PCDH11Y: variants seen among roughly 807,000 people sequenced by gnomAD.
The protein encoded by PCDH11Y is protocadherin 11 Y-linked.
For missense variants in PCDH11Y, 12 were observed against 224.8 expected, an observed-to-expected ratio of 0.05 and a Z score of 6.05; for synonymous variants, 9 against 83.6, an observed-to-expected ratio of 0.11 and a Z score of 4.87.
At chrY:5,631,321 C>A in intron 4 of PCDH11Y, among the ~76,000 whole-genome samples, 2 of 26,340 alleles carry the variant, frequency 7.6e-5, no homozygotes. Flanking sequence ...ATATGAAGAC[C>A]ATACTGTCAT....
chrY:5,533,157 C>T, intron 3 of PCDH11Y, among the ~76,000 whole-genome samples: 1 of 33,160 alleles, frequency 3.0e-5, no homozygotes, highest in Non-Finnish European at 7.4e-5. Flanking sequence ...CTTTTGAATT[C>T]CTTGGATTTG....
At chrY:5,315,696 A>G in intron 2 of PCDH11Y, among the ~76,000 whole-genome samples, 2 of 33,670 alleles carry the variant, frequency 5.9e-5, no homozygotes, top group African/African-American at 2.3e-4. Context: ...TTGCTATCAT[A>G]TTAACATAAG....
intron 4 of PCDH11Y, among the ~76,000 whole-genome samples, chrY:5,636,343 T>C (rs373646866): frequency 0.033 from 1,113 of 33,452 alleles, no homozygotes; most frequent in Middle Eastern, 0.11. Flanking sequence ...ACCTTCCCTA[T>C]TCTACCCTAT....
intron 2 of PCDH11Y, among the ~76,000 whole-genome samples, chrY:5,275,652 G>C: frequency 3.0e-5 from 1 of 33,588 alleles, no homozygotes. Context: ...TTACAGGATT[G>C]ATAGATTGAG....
At chrY:5,595,128 T>TG (rs2053466168) in intron 4 of PCDH11Y, among the ~76,000 whole-genome samples, 2 of 22,262 alleles carry the variant, frequency 9.0e-5, no homozygotes, top group African/African-American at 3.7e-4. Flanking sequence ...AGTAGCCCCT[T>TG]GCAGTATTCC....
chrY:5,529,601 A>C, intron 3 of PCDH11Y, among the ~76,000 whole-genome samples: 1 of 32,147 alleles, frequency 3.1e-5, no homozygotes, highest in Admixed American at 2.9e-4. Flanking sequence ...AATATATTAC[A>C]CCTCCTACAT....
intron 2 of PCDH11Y, among the ~76,000 whole-genome samples, chrY:5,261,335 G>A: frequency 3.0e-5 from 1 of 33,291 alleles, no homozygotes; most frequent in Admixed American, 2.7e-4. Flanking sequence ...AAGAAGACAG[G>A]ACAATTTGAG....
chrY:5,244,491 C>T (rs2052993222), intron 2 of PCDH11Y, among the ~76,000 whole-genome samples: 2 of 33,352 alleles, frequency 6.0e-5, no homozygotes, highest in African/African-American at 2.3e-4. Flanking sequence ...GAAGGAAGAA[C>T]AGTGTGGTTT....
intron 2 of PCDH11Y, among the ~76,000 whole-genome samples, chrY:5,213,847 C>T (rs2052942221): frequency 3.1e-5 from 1 of 32,739 alleles, no homozygotes; most frequent in Non-Finnish European, 7.5e-5. Context: ...AGGCCAGGCT[C>T]GGTGGCTCAT....
chrY:5,370,340 G>T (rs2124673090), intron 2 of PCDH11Y, among the ~76,000 whole-genome samples: 1 of 32,365 alleles, frequency 3.1e-5, no homozygotes, highest in South Asian at 7.0e-4. Context: ...AGAGACTTAA[G>T]AAAGTAATAG....
At chrY:5,690,996 A>C (rs2124710766) in intron 4 of PCDH11Y, among the ~76,000 whole-genome samples, 1 of 33,264 alleles carries the variant, frequency 3.0e-5, no homozygotes, top group East Asian at 7.9e-4. Flanking sequence ...CCTACTTCCT[A>C]TGTTCTCAGC....
At chrY:5,418,875 C>T in intron 2 of PCDH11Y, among the ~76,000 whole-genome samples, 1 of 32,748 alleles carries the variant, frequency 3.1e-5, no homozygotes, top group Non-Finnish European at 7.5e-5. Flanking sequence ...GCTGGGGAAT[C>T]CTTAGGGAAT....
intron 3 of PCDH11Y, among the ~76,000 whole-genome samples, chrY:5,537,258 TG>T (rs2053401480): frequency 3.1e-4 from 8 of 26,200 alleles, no homozygotes; most frequent in Admixed American, 1.0e-3. Context: ...TATTGGCAAA[TG>T]TTTTTTTTTT....
chrY:5,530,506 T>A (rs2053391837), intron 3 of PCDH11Y, among the ~76,000 whole-genome samples: 1 of 32,151 alleles, frequency 3.1e-5, no homozygotes, highest in Non-Finnish European at 7.8e-5. Context: ...ATCAGTACTA[T>A]TTTTTTTTAT....
intron 3 of PCDH11Y, among the ~76,000 whole-genome samples, chrY:5,545,208 G>A (rs1271413329): frequency 1.6e-4 from 5 of 31,666 alleles, no homozygotes; most frequent in South Asian, 7.0e-4. Flanking sequence ...CCATTTTATC[G>A]TAGTTAATGA....
chrY:5,095,067 T>C, intron 1 of PCDH11Y, among the ~76,000 whole-genome samples: 1 of 33,139 alleles, frequency 3.0e-5, no homozygotes, highest in Non-Finnish European at 7.5e-5. Flanking sequence ...CCTAAATATA[T>C]AAACAAGAAA....
intron 2 of PCDH11Y, among the ~76,000 whole-genome samples, chrY:5,466,005 C>G: frequency 8.9e-5 from 3 of 33,825 alleles, no homozygotes; most frequent in Non-Finnish European, 2.2e-4. Context: ...TTAAAGAAGA[C>G]ATGTGAAGTG....
At chrY:5,483,746 A>T in intron 2 of PCDH11Y, among the ~76,000 whole-genome samples, 1 of 32,019 alleles carries the variant, frequency 3.1e-5, no homozygotes, top group Admixed American at 2.8e-4. Context: ...AAGGAAAATA[A>T]AAGATTCTTA....
In PCDH11Y at chrY:5,328,963, A is replaced by G. The variant is rs1309556724; in HGVS notation, c.3130-172094A>G. ...AGTTGCACTGGGCACAGAGACTAGGAGGGGACTGATGTGTAAAAGAATGCC... is the reference window on the plus strand; with the variant it reads ...AGTTGCACTGGGCACAGAGACTAGGGGGGGACTGATGTGTAAAAGAATGCC... On this transcript the variant is annotated intron_variant, in intron 2 of 4. Coordinates refer to the PCDH11Y transcript ENST00000400457. Among the ~76,000 whole-genome samples the G allele has an allele frequency of 5.3e-4, 17 of 32,114 alleles. No homozygotes were observed. In the East Asian group the frequency reaches 0.01, roughly 19 times the overall value. 86.2% of individuals were successfully genotyped at this position (32,114 alleles called of 37,273 possible). A position where few individuals can be genotyped will look rare whatever the true frequency, so the allele number is the denominator to read the frequency against.
Sources: gnomAD v4.1 joint callset for allele counts (sites outside exome capture counted in the v4.1 genomes callset) on GRCh38, gnomAD v4.1.1 for gene constraint, MANE v1.5 for transcripts, NCBI Gene and HGNC (gene_info 2026-07-23, HGNC 2026-07-21) for gene names.